The following TUSC3 variants were observed in gnomAD, a reference collection of about 807,000 sequenced individuals.
The protein encoded by TUSC3 is tumor suppressor candidate 3, also known as dolichyl-diphosphooligosaccharide--protein glycosyltransferase subunit TUSC3.
A neutral mutation model predicts 44.8 loss-of-function variants in TUSC3; 45 were observed. The ratio of observed to expected loss-of-function variants is 1.00; its 90% confidence interval spans 0.79 to 1.29. TUSC3 has a LOEUF of 1.29. Among genes scored for constraint, TUSC3 ranks in the 50% most tolerant of loss-of-function variants. The pLI, the probability that TUSC3 is intolerant of heterozygous loss-of-function variation, is 0.00. For synonymous variants in TUSC3, 212 were observed against 152.9 expected, an observed-to-expected ratio of 1.39 and a Z score of -2.85; for missense variants, 519 against 437.9, an observed-to-expected ratio of 1.19 and a Z score of -1.65.
At chr8:15,800,896 A>G in the TUSC3 span, among the ~76,000 whole-genome samples, 62 of 152,170 alleles carry the variant, frequency 4.1e-4, no homozygotes, top group Non-Finnish European at 8.1e-4. Context: ...GAAAACTCCA[A>G]GCAATATGGC....
At chr8:15,678,106 C>T (rs1420028607) in intron 6 of TUSC3, among the ~76,000 whole-genome samples, 2 of 152,286 alleles carry the variant, frequency 1.3e-5, no homozygotes, top group African/African-American at 2.4e-5. Context: ...TATGAGATCT[C>T]TGGGAGCCTG....
intron 1 of TUSC3, among the ~76,000 whole-genome samples, chr8:15,589,258 A>G (rs373308502): frequency 3.4e-4 from 51 of 152,120 alleles, no homozygotes; most frequent in African/African-American, 1.1e-3. Context: ...TGTGTTTTTA[A>G]TCCATTTATC....
chr8:15,757,433 G>C (rs1475054153), intron 9 of TUSC3, among the ~76,000 whole-genome samples: 12 of 152,040 alleles, frequency 7.9e-5, no homozygotes, highest in African/African-American at 2.4e-5. Flanking sequence ...GCATGTAGAG[G>C]GTATAGCAAT....
chr8:15,759,839 A>T (rs566925811), intron 10 of TUSC3, among the ~76,000 whole-genome samples: 61 of 152,268 alleles, frequency 4.0e-4, no homozygotes, highest in African/African-American at 1.4e-3. Context: ...AATCATTATC[A>T]TCTGCCTCCA....
chr8:15,641,110 C>T (rs953834809), intron 2 of TUSC3, among the ~76,000 whole-genome samples: 10 of 152,108 alleles, frequency 6.6e-5, no homozygotes, highest in African/African-American at 2.2e-4. Flanking sequence ...CCTGTAATCC[C>T]AGCACTTTGG....
intron 2 of TUSC3, among the ~76,000 whole-genome samples, chr8:15,495,372 T>A (rs2129126281): frequency 6.6e-6 from 1 of 152,278 alleles, no homozygotes; most frequent in East Asian, 1.9e-4. Context: ...CAAATGCCAA[T>A]TATTTATCTT....
intron 7 of TUSC3, among the ~76,000 whole-genome samples, chr8:15,739,538 CAA>C (rs1811097314): frequency 6.6e-6 from 1 of 151,944 alleles, no homozygotes; most frequent in Non-Finnish European, 1.5e-5. Flanking sequence ...TTGCTCCCAA[CAA>C]AAATAGTAAA....
intron 6 of TUSC3, among the ~76,000 whole-genome samples, chr8:15,674,060 A>G (rs1355175301): frequency 1.3e-5 from 2 of 152,064 alleles, no homozygotes; most frequent in African/African-American, 2.4e-5. Context: ...GATTTAAAAA[A>G]TTAATATCTA....
the TUSC3 span, among the ~76,000 whole-genome samples, chr8:15,847,664 C>G: frequency 6.6e-6 from 1 of 152,086 alleles, no homozygotes; most frequent in African/African-American, 2.4e-5. Context: ...GCTTTGTGAT[C>G]TTCACAATAT....
intron 2 of TUSC3, among the ~76,000 whole-genome samples, chr8:15,528,350 A>T (rs1234449628): frequency 6.6e-6 from 1 of 152,222 alleles, no homozygotes; most frequent in Non-Finnish European, 1.5e-5. Context: ...GTATTTGAAG[A>T]TTCAGTATAT....
At chr8:15,509,480 C>T (rs1180812181) in intron 2 of TUSC3, among the ~76,000 whole-genome samples, 18 of 152,078 alleles carry the variant, frequency 1.2e-4, no homozygotes, top group African/African-American at 2.9e-4. Context: ...AGGTGGCAGG[C>T]GCCTGTAATC....
chr8:15,707,210 A>C (rs776819604), intron 6 of TUSC3, among the ~76,000 whole-genome samples: 1 of 152,036 alleles, frequency 6.6e-6, no homozygotes, highest in African/African-American at 2.4e-5. Context: ...GTAAATGCAT[A>C]TACAGCTAAA....
intron 1 of TUSC3, among the ~76,000 whole-genome samples, chr8:15,418,379 A>T (rs1456473509): frequency 6.6e-6 from 1 of 152,160 alleles, no homozygotes; most frequent in Non-Finnish European, 1.5e-5. Context: ...ATCATTTTTT[A>T]TCTGCCAGAA....
chr8:15,831,772 C>G, the TUSC3 span, among the ~76,000 whole-genome samples: 51 of 152,220 alleles, frequency 3.4e-4, no homozygotes, highest in Middle Eastern at 0.01. Context: ...CAAACAAAAT[C>G]TACAAGAAAT....
chr8:15,742,628 T>A (rs886932383), intron 7 of TUSC3, among the ~76,000 whole-genome samples: 15 of 152,216 alleles, frequency 9.9e-5, no homozygotes, highest in African/African-American at 3.4e-4. Flanking sequence ...TCATTGATGC[T>A]GTTTATACAC....
intron 2 of TUSC3, among the ~76,000 whole-genome samples, chr8:15,532,792 A>G (rs1801467528): frequency 6.6e-6 from 1 of 152,126 alleles, no homozygotes; most frequent in African/African-American, 2.4e-5. Context: ...AATAAGTCTT[A>G]TGAGATCTGA....
chr8:15,432,754 A>G (rs1348727966), intron 1 of TUSC3, among the ~76,000 whole-genome samples: 1 of 151,148 alleles, frequency 6.6e-6, no homozygotes, highest in African/African-American at 2.4e-5. Flanking sequence ...CCCCGCCCCC[A>G]CACCCCACTT....
At chr8:15,681,733 G>GT (rs1808438240) in intron 6 of TUSC3, among the ~76,000 whole-genome samples, 1 of 151,300 alleles carries the variant, frequency 6.6e-6, no homozygotes, top group South Asian at 2.1e-4. Flanking sequence ...GTTTTTTCTT[G>GT]TTTTTCTGAT....
At chr8:15,418,664 C>A (rs947904165) in intron 1 of TUSC3, among the ~76,000 whole-genome samples, 4 of 152,090 alleles carry the variant, frequency 2.6e-5, no homozygotes, top group Non-Finnish European at 5.9e-5. Flanking sequence ...AAGGTTAAGA[C>A]GAAGAGCTCA....
Sources: gnomAD v4.1 joint callset for allele counts (sites outside exome capture counted in the v4.1 genomes callset) on GRCh38, gnomAD v4.1.1 for gene constraint, MANE v1.5 for transcripts, NCBI Gene and HGNC (gene_info 2026-07-23, HGNC 2026-07-21) for gene names.